The following LSR variants were observed in gnomAD, a reference collection of about 807,000 sequenced individuals.
LSR encodes the protein lipolysis stimulated lipoprotein receptor.
LSR carries 44 observed loss-of-function variants against 61.8 expected under a neutral mutation model. The ratio of observed to expected loss-of-function variants is 0.71; its 90% CI spans 0.56 to 0.91. LSR has a LOEUF of 0.91. Ranked by LOEUF, LSR falls within the 40% of genes least tolerant of loss-of-function variation. The probability of loss-of-function intolerance (pLI) is 0.00; values close to 1 mark genes in which losing one functional copy is unlikely to be tolerated. For synonymous variants in LSR, 397 were observed against 350.6 expected, an observed-to-expected ratio of 1.13 and a Z score of -1.48; for missense variants, 911 against 830.5, an observed-to-expected ratio of 1.10 and a Z score of -1.19.
chr19:35,251,054 G>T (rs188950083), intron 2 of LSR, among the ~76,000 whole-genome samples: 1 of 152,064 alleles, frequency 6.6e-6, no homozygotes, highest in African/African-American at 2.4e-5. Flanking sequence ...CCTTGGCCTC[G>T]CAAAGTGCTG....
At chr19:35,258,335 A>G (rs1161316708) in intron 2 of LSR, among the ~76,000 whole-genome samples, 1 of 152,158 alleles carries the variant, frequency 6.6e-6, no homozygotes, top group South Asian at 2.1e-4. Flanking sequence ...AATCCCAGCT[A>G]CATGGGAGGC....
chr19:35,267,472 A>T lies in LSR; in HGVS notation c.1508A>T (p.Tyr503Phe). The T allele has an allele frequency of 6.2e-7, 1 of 1,610,846 alleles. No homozygotes were observed. Among genetic ancestry groups the T allele is most frequent in the South Asian group, 1.1e-5 (1 of 90,912 alleles). The change falls in exon 9 of 10, where the codon TAC becomes TTC. Residue 503 changes from tyrosine (Y) to phenylalanine (F), a missense_variant. Tyr to Phe is a conservative substitution (Grantham distance 22, BLOSUM62 3). Coordinates refer to ENST00000605618, the MANE Select transcript of LSR (RefSeq NM_205834.4). The part of the protein sequence containing the change: ...RDFPRSRDPH[Y>F]DDFRSRERPP... ...TTCCCACGCTCCCGGGACCCCCACT[A>T]CGACGACTTCAGGTCTCGGGAGCGC...
At chr19:35,257,886 C>T (rs1033367888) in intron 2 of LSR, among the ~76,000 whole-genome samples, 3 of 152,116 alleles carry the variant, frequency 2.0e-5, no homozygotes, top group African/African-American at 4.8e-5. Flanking sequence ...CAGACAAGAG[C>T]GTCCCCAAGC....
intron 2 of LSR, among the ~76,000 whole-genome samples, chr19:35,254,910 G>C (rs2065838852): frequency 6.6e-6 from 1 of 152,166 alleles, no homozygotes; most frequent in African/African-American, 2.4e-5. Flanking sequence ...GTGAGGTCCA[G>C]CCTCGGCCTA....
intron 9 of LSR, 33 bp downstream of exon 9, chr19:35,267,767 C>G: frequency 6.2e-7 from 1 of 1,613,480 alleles, no homozygotes; most frequent in Non-Finnish European, 8.5e-7. Context: ...TCCAGACCGT[C>G]CCTGGGCCCC....
intron 2 of LSR, among the ~76,000 whole-genome samples, chr19:35,257,477 AAGG>A (rs2065870168): frequency 6.6e-6 from 1 of 152,140 alleles, no homozygotes; most frequent in Non-Finnish European, 1.5e-5. Flanking sequence ...ACACTGTTGC[AAGG>A]AGGATTTTTC....
Position 35,250,654 on chromosome 19 carries a change from C to T in LSR, c.449C>T (p.Thr150Ile). Reference protein sequence around the residue: ...DYYQGRRITITGNADLTFDQT... With the variant: ...DYYQGRRITIIGNADLTFDQT... ...TACCAGGGCCGGAGGATTACCATCACCGGAAGTATGTTGGGCAGGGCAGGG... is the reference window on the plus strand; with the variant it reads ...TACCAGGGCCGGAGGATTACCATCATCGGAAGTATGTTGGGCAGGGCAGGG... Residue 150 changes from threonine to isoleucine, a missense_variant, in exon 2 of 10, where the codon ACC (threonine) becomes ATC (isoleucine). Coordinates refer to ENST00000605618, the MANE Select transcript of LSR (RefSeq NM_205834.4). The T allele has an allele frequency of 6.4e-7, 1 of 1,555,130 alleles. No individual in the cohort carries two copies. Among genetic ancestry groups the T allele is most frequent in the South Asian group, 1.2e-5 (1 of 82,918 alleles).
intron 2 of LSR, chr19:35,251,432 G>T (rs892227891): frequency 1.3e-5 from 2 of 152,218 alleles, no homozygotes; most frequent in Admixed American, 6.5e-5. Flanking sequence ...TCTCATCCAG[G>T]TTCCCAAGGA....
chr19:35,258,810 T>C, intron 2 of LSR, 135 bp from the exon 3 acceptor site: 1 of 1,067,296 alleles, frequency 9.4e-7, no homozygotes, highest in South Asian at 1.3e-5. Flanking sequence ...TCTTTGCATA[T>C]GCATTTGATC....
At position 35,266,363 on chromosome 19, in the gene LSR, T is replaced by C; in HGVS notation, c.783T>C (p.Tyr261=). 2 of 1,580,778 alleles carry C rather than the reference T, an allele frequency of 1.3e-6. No individual in the cohort carries two copies. Among genetic ancestry groups the C allele is most frequent in the Middle Eastern group, 1.7e-4 (1 of 5,876 alleles). Residue 261 remains tyrosine, a synonymous_variant, in exon 6 of 10, where the codon TAT becomes TAC. Coordinates refer to ENST00000605618, the MANE Select transcript of LSR (RefSeq NM_205834.4). Reference sequence around the variant, plus strand: ...CTGTTGATTGTGTCCTCACAGTGTATGCCGCCGGCAAAGCAGCCACCTCAG... The same window carrying C: ...CTGTTGATTGTGTCCTCACAGTGTACGCCGCCGGCAAAGCAGCCACCTCAG... ...PDKCCCPEAL[Y]AAGKAATSGV...
intron 2 of LSR, among the ~76,000 whole-genome samples, chr19:35,253,964 A>C (rs2065826493): frequency 6.6e-6 from 1 of 151,042 alleles, no homozygotes; most frequent in Admixed American, 6.6e-5. Context: ...GTGTTTGATC[A>C]AGGCCCTGAG....
In LSR at chr19:35,261,985, CGG is replaced by C; in HGVS notation, c.631+9_631+10del. 7.2e-6 allele frequency: 11 copies of C among 1,517,288 alleles called. No individual in the cohort carries two copies. Among genetic ancestry groups the C allele is most frequent in the Non-Finnish European group, 9.6e-6 (11 of 1,143,796 alleles). The allele number at this position is 1,517,288 out of a possible 1,614,324, so 94.0% of individuals were successfully genotyped here. ...TTTCAGGCGGGGCCCATAGAAGGTACGGGGGGTGGATCCTGAGTTGGGCTTCT... is the reference window on the plus strand; with the variant it reads ...TTTCAGGCGGGGCCCATAGAAGGTACGGGGTGGATCCTGAGTTGGGCTTCT... On this transcript the variant is annotated splice_donor_5th_base_variant and intron_variant, in intron 4 of 9. Coordinates refer to ENST00000605618, the MANE Select transcript of LSR (RefSeq NM_205834.4).
intron 1 of LSR, chr19:35,249,335 C>T (rs941799055): frequency 3.4e-6 from 2 of 594,584 alleles, no homozygotes; most frequent in African/African-American, 2.0e-5. Context: ...GCGCCCTTAT[C>T]TGGAAGATAG....
intron 2 of LSR, among the ~76,000 whole-genome samples, 179 bp from the exon 3 acceptor site, chr19:35,258,766 C>T (rs1445284750): frequency 6.6e-6 from 1 of 152,170 alleles, no homozygotes; most frequent in African/African-American, 2.4e-5. Context: ...GTGTTTAGAA[C>T]GGGGTGTAAA....
At chr19:35,265,806 GA>G (rs1427133619) in intron 5 of LSR, among the ~76,000 whole-genome samples, 1 of 124,082 alleles carries the variant, frequency 8.1e-6, no homozygotes, top group Non-Finnish European at 1.9e-5. Flanking sequence ...TCTCAATCTG[GA>G]AGGTGACCAG....
Position 35,267,407 on chromosome 19 carries a change from C to G in LSR, c.1443C>G (p.Arg481=). 6.2e-7 allele frequency: 1 copy of G among 1,608,832 alleles called. No individual in the cohort carries two copies. Among genetic ancestry groups the G allele is most frequent in the Non-Finnish European group, 8.5e-7 (1 of 1,178,248 alleles). ...RSRAYMPPRS[R]SRDDLYDQDD... ...GGGCCTACATGCCCCCGCGGAGCCGCAGCCGGGACGACCTCTATGACCAAG... is the reference window on the plus strand; with the variant it reads ...GGGCCTACATGCCCCCGCGGAGCCGGAGCCGGGACGACCTCTATGACCAAG... The change falls in exon 9 of 10, where the codon CGC becomes CGG. Residue 481 remains arginine (R), a synonymous_variant. Coordinates refer to ENST00000605618, the MANE Select transcript of LSR (RefSeq NM_205834.4).
At position 35,266,013 on chromosome 19, in the gene LSR, T is replaced by C. The variant is rs573891655; in HGVS notation, c.779-346T>C. ...TTCTTCCAGTAAGTTAGCTGGGGAG[T>C]TGGAAGTTTAGGTAAAACCTTTTGA... is the stretch of plus-strand genomic sequence containing the variant. On this transcript the variant is annotated intron_variant, in intron 5 of 9. Coordinates refer to ENST00000605618, the MANE Select transcript of LSR (RefSeq NM_205834.4). Among the ~76,000 whole-genome samples, 22 of 152,030 alleles carry C rather than the reference T, an allele frequency of 1.4e-4. No homozygotes were observed. The East Asian group carries it at 3.9e-3, about 27-fold the overall frequency.
chr19:35,254,189 G>A (rs1374300575), intron 2 of LSR, among the ~76,000 whole-genome samples: 1 of 152,156 alleles, frequency 6.6e-6, no homozygotes, highest in Non-Finnish European at 1.5e-5. Flanking sequence ...TGCCTCGCAA[G>A]TTCAAGTGAT....
chr19:35,267,615 G>C lies in LSR; in HGVS notation c.1651G>C (p.Gly551Arg). 5 of 1,612,430 alleles carry C rather than the reference G, an allele frequency of 3.1e-6. No homozygotes were observed. The highest frequency in any genetic ancestry group is 4.2e-6 in the Non-Finnish European group (5 of 1,179,666). The change falls in exon 9 of 10, where the codon GGG becomes CGG. Residue 551 changes from glycine to arginine, a missense_variant. By Grantham distance (125) the Gly-to-Arg change is moderately radical. Coordinates refer to ENST00000605618, the MANE Select transcript of LSR (RefSeq NM_205834.4). ...ACTGGAGGAGGCTGTGAGGAAGAAG[G>C]GGTCGGAGGAGAGGAGGAGACCCCA... ...RLLEEAVRKK[G>R]SEERRRPHKE...
Sources: gnomAD v4.1 joint callset for allele counts (sites outside exome capture counted in the v4.1 genomes callset) on GRCh38, gnomAD v4.1.1 for gene constraint, MANE v1.5 for transcripts, NCBI Gene and HGNC (gene_info 2026-07-23, HGNC 2026-07-21) for gene names.